CEP290: variants seen among roughly 807,000 people sequenced by gnomAD.
CEP290 encodes the protein centrosomal protein of 290 kDa.
CEP290 carries 317 observed loss-of-function variants against 344.9 expected under a neutral mutation model. That is an observed-to-expected ratio of 0.92 (90% confidence interval 0.84 to 1.01). CEP290 has a LOEUF of 1.01. CEP290 is among the 50% of genes least tolerant of loss of function. The pLI is 0.00. For missense variants in CEP290, 2,754 were observed against 2,761.4 expected (o/e 1.00, Z 0.06); for synonymous variants, 932 against 895.8 (o/e 1.04, Z -0.72).
chr12:88,132,477 A>C (rs2040131900), intron 6 of CEP290, among the ~76,000 whole-genome samples: 1 of 152,196 alleles, frequency 6.6e-6, no homozygotes, highest in African/African-American at 2.4e-5. Context: ...ATTCCTGAGC[A>C]TGACAATTAT....
Position 88,111,715 on chromosome 12 carries a change from C to A in CEP290, c.2196G>T (p.Gln732His), listed in dbSNP as rs1394028787. ...TCACCTTTAAATTAGCTTTTGCCAA[C>A]TGCTGTGAATAATTTATAGCCTCTT... Reference protein sequence around the residue: ...SRKEAINYSQQLAKANLKIDH... With the variant: ...SRKEAINYSQHLAKANLKIDH... The change falls in exon 21 of 54, where the codon CAG (glutamine) becomes CAT (histidine). Residue 732 changes from glutamine (Q) to histidine (H), a missense_variant. Transcript: ENST00000552810. 3 of 1,589,138 alleles carry A rather than the reference C, an allele frequency of 1.9e-6. No homozygotes were observed. In the Admixed American group the frequency reaches 5.4e-5, roughly 29 times the overall value.
chr12:88,131,804 CA>C (rs898468318), intron 6 of CEP290, among the ~76,000 whole-genome samples: 1 of 151,998 alleles, frequency 6.6e-6, no homozygotes, highest in Non-Finnish European at 1.5e-5. Context: ...TCTGCTCCTC[CA>C]AAAAAACCCC....
rs369231584 is a variant in CEP290, at chr12:88,118,530, T to A, written c.1664A>T (p.Lys555Ile). ...TCTTTCTTGAGCCATTTGACGAATT[T>A]TTTTTTTCAGATCAAGTCGTTCTTC... ...LEEERLDLKK[K>I]IRQMAQERGK... Residue 555 changes from lysine to isoleucine, a missense_variant, in exon 17 of 54, where the codon AAA becomes ATA. Lys to Ile is a moderately radical substitution (Grantham distance 102, BLOSUM62 -3). Transcript: ENST00000552810. The A allele has an allele frequency of 2.7e-5, 43 of 1,576,798 alleles. No individual in the cohort carries two copies. The highest frequency in any genetic ancestry group is 1.7e-4 in the Middle Eastern group (1 of 6,032).
At chr12:88,073,420 GTCATGCCAAAGCATTTACATGT>G (rs2035529366) in intron 41 of CEP290, among the ~76,000 whole-genome samples, 1 of 152,152 alleles carries the variant, frequency 6.6e-6, no homozygotes. Flanking sequence ...TTCCAATGGA[GTCATGCCAAAGCATTTACATGT>G]TGAAATATGA....
rs1451379345 is a variant in CEP290, at chr12:88,131,980, C to G, written c.442-762G>C. Among the ~76,000 whole-genome samples, 4 of 152,184 alleles carry G rather than the reference C, an allele frequency of 2.6e-5. No individual in the cohort carries two copies. The East Asian group carries it at 5.8e-4, about 22-fold the overall frequency. On this transcript the variant is annotated intron_variant, in intron 6 of 53. Transcript: ENST00000552810. ...CACACCGGCCTAGGTTTATGTCCCT[C>G]ATCAACCAATTTCTAGTAAAGCATG... is the stretch of plus-strand genomic sequence containing the variant.
chr12:88,130,548 T>C lies in CEP290; in HGVS notation c.513A>G (p.Lys171=). ...TTCACCACACTTAAAGCCTCACCTT[T>C]TTCTTTAGACGTTTGTTCTACAGAA... is the stretch of plus-strand genomic sequence containing the variant. The part of the protein sequence containing the change: ...KLRRENKRLK[K]KNEQLCQDII... Residue 171 remains lysine (K), a synonymous_variant, in exon 8 of 54, where the codon AAA becomes AAG. Coordinates refer to ENST00000552810, the MANE Select transcript of CEP290 (RefSeq NM_025114.4). 2 of 1,594,080 alleles carry C rather than the reference T, an allele frequency of 1.3e-6. No individual in the cohort carries two copies. The highest frequency in any genetic ancestry group is 8.5e-7 in the Non-Finnish European group (1 of 1,171,458).
In CEP290 at chr12:88,125,245, C is replaced by T. The variant is rs2039659434; in HGVS notation, c.1189+1G>A. The T allele has an allele frequency of 1.3e-6, 1 of 756,776 alleles. No homozygotes were observed. Among genetic ancestry groups the T allele is most frequent in the Non-Finnish European group, 1.9e-6 (1 of 514,632 alleles). 46.9% of individuals were successfully genotyped at this position (756,776 alleles called of 1,614,324 possible). A position where few individuals can be genotyped will look rare whatever the true frequency, so the allele number is the denominator to read the frequency against. ...AAATAACTATATATTTATAAAAATA[C>T]CTTTGTTTCTTTGGAGCTCATTTTT... is the stretch of plus-strand genomic sequence containing the variant. On this transcript the variant is annotated splice_donor_variant, in intron 13 of 53. Coordinates refer to ENST00000552810, the MANE Select transcript of CEP290 (RefSeq NM_025114.4). LOFTEE classifies it high-confidence loss of function.
intron 30 of CEP290, 107 bp downstream of exon 30, chr12:88,090,621 C>G (rs1254161767): frequency 2.8e-6 from 2 of 715,696 alleles, no homozygotes; most frequent in East Asian, 5.8e-5. Flanking sequence ...CAGAATGAGA[C>G]CCTATCTCGA....
Position 88,131,104 on chromosome 12 carries a change from C to T in CEP290, c.495+61G>A, listed in dbSNP as rs1194563447. The stretch of plus-strand genomic sequence containing the variant: ...TGGTTAAAATATAAATTTATGTAAA[C>T]TTAGGTACTTATTTTAATAAGTACC... On this transcript the variant is annotated intron_variant, in intron 7 of 53. Coordinates refer to ENST00000552810, the MANE Select transcript of CEP290 (RefSeq NM_025114.4). 4 of 1,259,374 alleles carry T rather than the reference C, an allele frequency of 3.2e-6. 1 individual carries two copies. The Admixed American group carries it at 1.3e-4, about 40-fold the overall frequency. 78.0% of individuals were successfully genotyped at this position (1,259,374 alleles called of 1,614,324 possible).
intron 26 of CEP290, among the ~76,000 whole-genome samples, chr12:88,098,901 CAAT>C (rs2037665055): frequency 6.6e-6 from 1 of 151,944 alleles, no homozygotes; most frequent in African/African-American, 2.4e-5. Flanking sequence ...AAATAAGAGT[CAAT>C]AGTAGTAAAA....
chr12:88,070,229 G>C (rs1487796519), intron 43 of CEP290, among the ~76,000 whole-genome samples: 1 of 152,180 alleles, frequency 6.6e-6, no homozygotes, highest in Admixed American at 6.5e-5. Flanking sequence ...GCAACCATTT[G>C]AGGACTTTGC....
At chr12:88,084,565 A>G (rs1316034004) in intron 35 of CEP290, 21 bp downstream of exon 35, 4 of 1,586,288 alleles carry the variant, frequency 2.5e-6, no homozygotes, top group Non-Finnish European at 2.6e-6. Context: ...TAACAGCATA[A>G]CTCATAATAT....
rs2040377052 is a variant in CEP290 at position 88,136,796 on chromosome 12, A to G, written c.298-10T>C. ...CAGACTGCTGAGCCATCTTAAAGTA[A>G]TAAACCCAAAGTATAAATTAATCCC... On this transcript the variant is annotated splice_polypyrimidine_tract_variant and intron_variant, in intron 5 of 53. Coordinates refer to ENST00000552810, the MANE Select transcript of CEP290 (RefSeq NM_025114.4). 6.2e-7 allele frequency: 1 copy of G among 1,612,458 alleles called. No homozygotes were observed. The highest frequency in any genetic ancestry group is 1.7e-5 in the Admixed American group (1 of 59,822).
Position 88,084,843 on chromosome 12 carries a change from C to T in CEP290, c.4447G>A (p.Glu1483Lys). 2 of 1,547,414 alleles carry T rather than the reference C, an allele frequency of 1.3e-6. No individual in the cohort carries two copies. The highest frequency in any genetic ancestry group is 8.7e-7 in the Non-Finnish European group (1 of 1,150,272). ...TCKSLEEKLK[E>K]KESALRLAEQ... is the part of the protein sequence containing the mutation. The stretch of plus-strand genomic sequence containing the variant: ...GCTAACCTTAAAGCAGATTCTTTCT[C>T]TTTTAGTTTCTGCAATGATTAAATT... Residue 1483 changes from glutamate (E) to lysine (K), a missense_variant, in exon 35 of 54, where the codon GAG becomes AAG. Physicochemically the swap from Glu to Lys is moderately conservative, Grantham distance 56. Transcript: ENST00000552810.
intron 43 of CEP290, among the ~76,000 whole-genome samples, chr12:88,069,661 G>A (rs1172730923): frequency 6.6e-6 from 1 of 152,204 alleles, no homozygotes; most frequent in African/African-American, 2.4e-5. Context: ...AGGAAGGAAT[G>A]TGGATTAGAA....
At chr12:88,120,902 T>A (rs752908097) in intron 14 of CEP290, 95 bp downstream of exon 14, 5 of 954,296 alleles carry the variant, frequency 5.2e-6, no homozygotes, top group South Asian at 3.3e-5. Flanking sequence ...ACTTATGGAA[T>A]GTTTTTTAAA....
At chr12:88,120,362 TAAAGGAA>T (rs2039330568) in intron 14 of CEP290, 86 bp from the exon 15 acceptor site, 1 of 652,630 alleles carries the variant, frequency 1.5e-6, no homozygotes, top group Non-Finnish European at 2.4e-6. Flanking sequence ...TTACTAAGTC[TAAAGGAA>T]AATGTACATA....
Position 88,084,847 on chromosome 12 carries a change from T to C in CEP290, c.4443A>G (p.Leu1481=), listed in dbSNP as rs2036459644. ...ACCTTAAAGCAGATTCTTTCTCTTT[T>C]AGTTTCTGCAATGATTAAATTATAA... ...RATCKSLEEK[L]KEKESALRLA... The change falls in exon 35 of 54, where the codon CTA becomes CTG. Residue 1481 remains leucine (L), a synonymous_variant. Transcript: ENST00000552810. The C allele has an allele frequency of 1.9e-6, 3 of 1,542,736 alleles. No individual in the cohort carries two copies. In the Admixed American group the frequency reaches 6.8e-5, roughly 35 times the overall value.
chr12:88,054,806 T>G (rs765650225), intron 50 of CEP290, among the ~76,000 whole-genome samples: 1 of 151,954 alleles, frequency 6.6e-6, no homozygotes, highest in Non-Finnish European at 1.5e-5. Flanking sequence ...AGGGTTAGGG[T>G]TAGGGAAGGT....
Sources: allele counts gnomAD v4.1 joint callset (sites outside exome capture counted in the v4.1 genomes callset), GRCh38; gene constraint gnomAD v4.1.1; transcripts MANE v1.5; gene names NCBI Gene and HGNC (gene_info 2026-07-23, HGNC 2026-07-21).